The following ZFHX3 variants were observed in gnomAD, a reference collection of about 807,000 sequenced individuals.
The protein encoded by ZFHX3 is zinc finger homeobox 3, also known as zinc finger homeobox protein 3.
A neutral mutation model predicts 279.1 loss-of-function variants in ZFHX3; 42 were observed. The ratio of observed to expected loss-of-function variants is 0.15; its 90% CI spans 0.12 to 0.19. The LOEUF (loss-of-function observed/expected upper bound fraction) is 0.19. Ranked by LOEUF, ZFHX3 falls within the 10% of genes least tolerant of loss-of-function variation. The pLI, the probability that ZFHX3 is intolerant of heterozygous loss-of-function variation, is 1.00. For missense variants in ZFHX3, 4,981 were observed against 4,754.0 expected, an observed-to-expected ratio of 1.05 and a Z score of -1.40; for synonymous variants, 2,293 against 1,957.8, an observed-to-expected ratio of 1.17 and a Z score of -4.52.
intron 2 of ZFHX3, among the ~76,000 whole-genome samples, chr16:73,608,478 G>C (rs966894134): frequency 1.3e-5 from 2 of 152,164 alleles, no homozygotes; most frequent in African/African-American, 4.8e-5. Flanking sequence ...TGACTTATTG[G>C]CTCAGTTTCA....
chr16:73,069,142 G>C (rs1402679843), intron 8 of ZFHX3, among the ~76,000 whole-genome samples: 1 of 152,230 alleles, frequency 6.6e-6, no homozygotes, highest in East Asian at 1.9e-4. Context: ...TGAAAGCCTT[G>C]TTAAGGAAGT....
chr16:73,115,053 G>C (rs1408771420), intron 7 of ZFHX3, among the ~76,000 whole-genome samples: 1 of 152,066 alleles, frequency 6.6e-6, no homozygotes, highest in Non-Finnish European at 1.5e-5. Flanking sequence ...TCTCTCCCTA[G>C]GCCTTCTTTG....
intron 3 of ZFHX3, among the ~76,000 whole-genome samples, chr16:73,409,257 A>G (rs1174872370): frequency 6.6e-6 from 1 of 152,194 alleles, no homozygotes; most frequent in Non-Finnish European, 1.5e-5. Context: ...CCAGTGACAT[A>G]TCTCAGCAAG....
At chr16:73,799,509 C>G (rs1394772911) in intron 1 of ZFHX3, among the ~76,000 whole-genome samples, 1 of 152,148 alleles carries the variant, frequency 6.6e-6, no homozygotes, top group Non-Finnish European at 1.5e-5. Context: ...AAGAGAGATG[C>G]TTGCTGCACT....
intron 4 of ZFHX3, among the ~76,000 whole-genome samples, chr16:72,873,434 G>A (rs1026302202): frequency 6.6e-6 from 1 of 152,144 alleles, no homozygotes; most frequent in Non-Finnish European, 1.5e-5. Context: ...GAGAATTCAG[G>A]TACGTTCTTT....
At chr16:73,181,706 G>C (rs1967799671) in intron 5 of ZFHX3, among the ~76,000 whole-genome samples, 1 of 152,164 alleles carries the variant, frequency 6.6e-6, no homozygotes, top group South Asian at 2.1e-4. Flanking sequence ...ATGATTGGGA[G>C]GTGGGAGATG....
chr16:73,412,659 C>A (rs544846664), intron 3 of ZFHX3, among the ~76,000 whole-genome samples: 11 of 152,170 alleles, frequency 7.2e-5, no homozygotes, highest in Non-Finnish European at 1.5e-4. Context: ...CTATTAGTAT[C>A]GGACTTTAGA....
chr16:73,148,498 A>G (rs1189178077), intron 5 of ZFHX3, among the ~76,000 whole-genome samples: 2 of 143,578 alleles, frequency 1.4e-5, no homozygotes, highest in Non-Finnish European at 3.0e-5. Context: ...AAACTCAGTA[A>G]TTTCTTCAGA....
chr16:73,366,937 C>G (rs1051023276), intron 3 of ZFHX3, among the ~76,000 whole-genome samples: 1 of 152,168 alleles, frequency 6.6e-6, no homozygotes, highest in South Asian at 2.1e-4. Context: ...ATTTAACTCC[C>G]AACATTCTGA....
intron 1 of ZFHX3, among the ~76,000 whole-genome samples, chr16:73,755,825 A>G (rs1334477869): frequency 6.6e-6 from 1 of 152,242 alleles, no homozygotes; most frequent in Non-Finnish European, 1.5e-5. Context: ...ATTTTTAAAA[A>G]GTAGAGGATG....
At chr16:72,962,774 C>T (rs1961640230) in intron 1 of ZFHX3, among the ~76,000 whole-genome samples, 1 of 152,126 alleles carries the variant, frequency 6.6e-6, no homozygotes, top group Admixed American at 6.5e-5. Context: ...ATACAGGTAC[C>T]AAGCACAGCT....
At chr16:73,094,508 C>T (rs1479392560) in intron 7 of ZFHX3, 1 of 151,422 alleles carries the variant, frequency 6.6e-6, no homozygotes, top group African/African-American at 2.4e-5. Flanking sequence ...CCAATACATG[C>T]CTGTGTTGGA....
chr16:73,231,727 G>A (rs1285094028), intron 5 of ZFHX3, among the ~76,000 whole-genome samples: 1 of 152,096 alleles, frequency 6.6e-6, no homozygotes, highest in Non-Finnish European at 1.5e-5. Context: ...GTTTCACCAC[G>A]CCGAGTGCCC....
At chr16:72,943,828 C>T (rs1040892758) in intron 3 of ZFHX3, among the ~76,000 whole-genome samples, 1 of 152,122 alleles carries the variant, frequency 6.6e-6, no homozygotes, top group Admixed American at 6.5e-5. Context: ...GTTCCTAGCT[C>T]ATTATCTGCA....
At chr16:73,695,195 T>C (rs2053185950) in intron 1 of ZFHX3, among the ~76,000 whole-genome samples, 1 of 152,208 alleles carries the variant, frequency 6.6e-6, no homozygotes, top group Admixed American at 6.5e-5. Flanking sequence ...TATTTTTTTC[T>C]TTGCTTAAAA....
chr16:73,754,685 T>G (rs2053791810), intron 1 of ZFHX3, among the ~76,000 whole-genome samples: 1 of 152,348 alleles, frequency 6.6e-6, no homozygotes, highest in Non-Finnish European at 1.5e-5. Flanking sequence ...CTTGGATTTA[T>G]GAATCTGAAT....
At chr16:73,240,241 G>T (rs545659167) in intron 5 of ZFHX3, among the ~76,000 whole-genome samples, 28 of 150,222 alleles carry the variant, frequency 1.9e-4, no homozygotes, top group African/African-American at 6.4e-4. Flanking sequence ...TTTTTTTTGA[G>T]ACAGTCTTGC....
At chr16:73,810,399 G>C (rs1647012559) in intron 1 of ZFHX3, among the ~76,000 whole-genome samples, 1 of 152,052 alleles carries the variant, frequency 6.6e-6, no homozygotes. Flanking sequence ...AAAAAGATAA[G>C]TCTTTAATTA....
intron 2 of ZFHX3, among the ~76,000 whole-genome samples, chr16:73,507,662 A>C (rs1388118399): frequency 6.6e-6 from 1 of 151,216 alleles, no homozygotes; most frequent in Non-Finnish European, 1.5e-5. Flanking sequence ...TGCCTGGCTG[A>C]TTTTTCTTTT....
Sources: allele counts gnomAD v4.1 joint callset (sites outside exome capture counted in the v4.1 genomes callset), GRCh38; gene constraint gnomAD v4.1.1; transcripts MANE v1.5; gene names NCBI Gene and HGNC (gene_info 2026-07-23, HGNC 2026-07-21).